The following TMEM232 variants were observed in gnomAD, a reference collection of about 807,000 sequenced individuals.
TMEM232 encodes transmembrane protein 232.
Under a neutral mutation model 78.8 loss-of-function variants are expected in TMEM232, and 80 were observed. The observed-to-expected ratio is 1.01, with a 90% CI of 0.85 to 1.22. The LOEUF is 1.22. TMEM232 is among the 50% of genes most tolerant of loss of function. The pLI is 0.00. For missense variants in TMEM232, 881 were observed against 742.2 expected (o/e 1.19, Z -2.17); for synonymous variants, 297 against 254.3 (o/e 1.17, Z -1.60).
chr5:110,631,678 AC>A (rs1336689885), intron 5 of TMEM232, among the ~76,000 whole-genome samples: 1 of 152,148 alleles, frequency 6.6e-6, no homozygotes, highest in African/African-American at 2.4e-5. Flanking sequence ...AGGGCTCCTT[AC>A]CTTTATGTGT....
At chr5:110,488,158 C>T (rs1454799680) in intron 12 of TMEM232, among the ~76,000 whole-genome samples, 1 of 151,938 alleles carries the variant, frequency 6.6e-6, no homozygotes, top group Non-Finnish European at 1.5e-5. Context: ...TTCATTGCAG[C>T]CTTGAATGAT....
chr5:110,727,598 G>T (rs1798286570), upstream of TMEM232, among the ~76,000 whole-genome samples: 1 of 151,930 alleles, frequency 6.6e-6, no homozygotes, highest in African/African-American at 2.4e-5. Context: ...AACAGAGCGA[G>T]ATTCCATCTA....
At chr5:110,587,762 T>G (rs543137300) in intron 10 of TMEM232, among the ~76,000 whole-genome samples, 31 of 145,398 alleles carry the variant, frequency 2.1e-4, no homozygotes, top group African/African-American at 7.2e-4. Context: ...CTGTACAGTT[T>G]AAATATGCAC....
At chr5:110,493,472 G>T (rs568832283) in intron 12 of TMEM232, among the ~76,000 whole-genome samples, 1 of 151,382 alleles carries the variant, frequency 6.6e-6, no homozygotes, top group Admixed American at 6.6e-5. Context: ...TATTAACATA[G>T]AAATTAATAC....
At chr5:110,643,017 G>A (rs1223687464) in intron 2 of TMEM232, among the ~76,000 whole-genome samples, 1 of 151,840 alleles carries the variant, frequency 6.6e-6, no homozygotes, top group Non-Finnish European at 1.5e-5. Context: ...TAGGTGGGAC[G>A]TAATAGTGGC....
rs143790674 is a variant in TMEM232, at chr5:110,427,361, A to G, written c.1704-2445T>C. ...GTTTCAGCTGCAATATCTTTATCATATTCATTGTCAAAAGAATTCAGAGGA... is the reference window on the plus strand; with the variant it reads ...GTTTCAGCTGCAATATCTTTATCATGTTCATTGTCAAAAGAATTCAGAGGA... On this transcript the variant is annotated intron_variant, in intron 12 of 13. Coordinates refer to ENST00000455884, the MANE Select transcript of TMEM232 (RefSeq NM_001039763.4). Among the ~76,000 whole-genome samples, 352 of 152,120 alleles carry G rather than the reference A, an allele frequency of 2.3e-3. 4 individuals carry two copies. The Middle Eastern group carries it at 0.024, about 10-fold the overall frequency.
At position 110,528,701 on chromosome 5, in the gene TMEM232, G is replaced by A. The variant is rs1196129157; in HGVS notation, c.1590C>T (p.Pro530=). The A allele has an allele frequency of 1.3e-6, 2 of 1,534,770 alleles. No homozygotes were observed. Among genetic ancestry groups the A allele is most frequent in the African/African-American group, 2.7e-5 (2 of 73,084 alleles). The change falls in exon 12 of 14, where the codon CCC becomes CCT. Residue 530 remains proline, a synonymous_variant. Transcript: ENST00000455884. ...ANTLSKLFFP[P]IEAHFLPLKK... ...TCAAAGGAAGAAAATGGGCCTCAAT[G>A]GGGGGAAAGAATAGTTTGGAAAGAG...
intron 10 of TMEM232, among the ~76,000 whole-genome samples, chr5:110,572,040 G>A (rs1777009353): frequency 6.6e-6 from 1 of 152,012 alleles, no homozygotes; most frequent in Non-Finnish European, 1.5e-5. Flanking sequence ...AGACACTGTG[G>A]AGAAGATCTA....
intron 10 of TMEM232, among the ~76,000 whole-genome samples, chr5:110,576,300 T>G (rs537867462): frequency 2.3e-4 from 35 of 151,918 alleles, no homozygotes; most frequent in Admixed American, 7.2e-4. Context: ...ACAAAAAGAA[T>G]GAAATACCAA....
At chr5:110,520,056 G>T (rs535947447) in intron 12 of TMEM232, among the ~76,000 whole-genome samples, 241 of 149,186 alleles carry the variant, frequency 1.6e-3, no homozygotes, top group African/African-American at 4.6e-3. Context: ...TATATAGAGA[G>T]AGAGAGAGAG....
At position 110,601,234 on chromosome 5, in the gene TMEM232, G is replaced by A. The variant is rs538443745; in HGVS notation, c.1276+3875C>T. Reference sequence around the variant, plus strand: ...GGCAAAAGCTAGAAGTATTCCCTTCGACAACTGGCACCAAAGATGCCCTCT... The same window carrying A: ...GGCAAAAGCTAGAAGTATTCCCTTCAACAACTGGCACCAAAGATGCCCTCT... On this transcript the variant is annotated intron_variant, in intron 10 of 13. Transcript: ENST00000455884. Among the ~76,000 whole-genome samples, 3 of 152,108 alleles carry A rather than the reference G, an allele frequency of 2.0e-5. No individual in the cohort carries two copies. In the South Asian group the frequency reaches 6.2e-4, roughly 32 times the overall value.
At chr5:110,539,699 T>C (rs1243080501) in intron 11 of TMEM232, among the ~76,000 whole-genome samples, 1 of 152,146 alleles carries the variant, frequency 6.6e-6, no homozygotes, top group Non-Finnish European at 1.5e-5. Flanking sequence ...TATATTCCAG[T>C]ACATGGATGA....
Position 110,574,560 on chromosome 5 carries a change from T to C in TMEM232, c.1277-5935A>G, listed in dbSNP as rs142809319. Among the ~76,000 whole-genome samples the C allele has an allele frequency of 8.1e-4, 123 of 152,204 alleles. 2 individuals are homozygous for C. The East Asian group carries it at 0.021, about 26-fold the overall frequency. ...GTGGGGTGGCTTGGGCCACACTCTA[T>C]CAGTTTGAACATTGGTGGGGCCAGA... On this transcript the variant is annotated intron_variant, in intron 10 of 13. Transcript: ENST00000455884.
At chr5:110,437,746 A>G (rs145857875) in intron 12 of TMEM232, among the ~76,000 whole-genome samples, 2,281 of 152,210 alleles carry the variant, frequency 0.015, 42 homozygotes, top group Admixed American at 0.032. Flanking sequence ...TACCAAGAAC[A>G]AGAGCTACAA....
chr5:110,404,524 A>G (rs1380708565), intron 2 of TMEM232, among the ~76,000 whole-genome samples: 2 of 152,120 alleles, frequency 1.3e-5, no homozygotes, highest in African/African-American at 4.8e-5. Flanking sequence ...TGAGCCCTAA[A>G]GATTAGGCAA....
intron 1 of TMEM232, among the ~76,000 whole-genome samples, chr5:110,724,526 A>G (rs1282317393): frequency 6.6e-6 from 1 of 152,216 alleles, no homozygotes; most frequent in Non-Finnish European, 1.5e-5. Flanking sequence ...CTGACAAGCT[A>G]GAAATTTCAG....
At chr5:110,522,854 A>C (rs1028459058) in intron 12 of TMEM232, among the ~76,000 whole-genome samples, 6 of 152,138 alleles carry the variant, frequency 3.9e-5, no homozygotes, top group African/African-American at 1.4e-4. Context: ...TATATTCATA[A>C]AAGTTATTGG....
chr5:110,459,076 A>T (rs960465712), intron 12 of TMEM232, among the ~76,000 whole-genome samples: 3 of 152,194 alleles, frequency 2.0e-5, no homozygotes, highest in Non-Finnish European at 4.4e-5. Context: ...TGGCATCTTC[A>T]GAACTGAGCT....
At chr5:110,516,654 C>T (rs542383782) in intron 12 of TMEM232, among the ~76,000 whole-genome samples, 2 of 152,106 alleles carry the variant, frequency 1.3e-5, no homozygotes, top group African/African-American at 4.8e-5. Flanking sequence ...ACATGTTCCA[C>T]CAGCTTAAAG....
Sources: gnomAD v4.1 joint callset for allele counts (sites outside exome capture counted in the v4.1 genomes callset) on GRCh38, gnomAD v4.1.1 for gene constraint, MANE v1.5 for transcripts, NCBI Gene and HGNC (gene_info 2026-07-23, HGNC 2026-07-21) for gene names.